The following LYST variants were observed in gnomAD, a reference collection of about 807,000 sequenced individuals.
LYST encodes lysosomal trafficking regulator.
LYST carries 192 observed loss-of-function variants against 413.6 expected under a neutral mutation model. The ratio of observed to expected loss-of-function variants is 0.46; its 90% CI spans 0.41 to 0.52. LYST has a LOEUF of 0.52. LYST is among the 20% of genes least tolerant of loss of function. The probability of loss-of-function intolerance (pLI) is 0.00; values close to 1 mark genes in which losing one functional copy is unlikely to be tolerated. For missense variants in LYST, 3,815 were observed against 4,499.9 expected (o/e 0.85, Z 4.35); for synonymous variants, 1,525 against 1,567.3 (o/e 0.97, Z 0.64).
Position 235,788,637 on chromosome 1 carries a change from A to T in LYST, c.4688+64T>A, listed in dbSNP as rs867629183. 2.0e-6 allele frequency: 3 copies of T among 1,492,862 alleles called. No homozygotes were observed. In the African/African-American group the frequency reaches 4.2e-5, roughly 21 times the overall value. The allele number at this position is 1,492,862 out of a possible 1,614,324, so 92.5% of individuals were successfully genotyped here. A position where few individuals can be genotyped will look rare whatever the true frequency, so the allele number is the denominator to read the frequency against. Reference sequence around the variant, plus strand: ...ACTTTTATTAGTAGATTTCACATTAATGTCTCTTACACAAATTATTTAAAT... The same window carrying T: ...ACTTTTATTAGTAGATTTCACATTATTGTCTCTTACACAAATTATTTAAAT... On this transcript the variant is annotated intron_variant, in intron 13 of 52. Coordinates refer to ENST00000389793, the MANE Select transcript of LYST (RefSeq NM_000081.4).
At chr1:235,822,725 A>G (rs1010037825) in intron 3 of LYST, among the ~76,000 whole-genome samples, 1 of 152,222 alleles carries the variant, frequency 6.6e-6, no homozygotes, top group African/African-American at 2.4e-5. Flanking sequence ...GATAGAGTCT[A>G]TTTCCCCATC....
At position 235,770,214 on chromosome 1, in the gene LYST, CT is replaced by C; in HGVS notation, c.5867del (p.Gln1956ArgfsTer3). On this transcript the variant is annotated frameshift_variant, in exon 20 of 53. Coordinates refer to ENST00000389793, the MANE Select transcript of LYST (RefSeq NM_000081.4). LOFTEE classifies it high-confidence loss of function. ...DHHQQMFNIKQLLKAQVVHHF... is the reference protein window; with the variant it reads ...DHHQQMFNIKXLLKAQVVHHF... ...GATGAACCACTTGAGCTTTCAATAA[CT>C]GCTTAATATTAAACATCTGCTGGTG... 1 of 1,613,750 alleles carries C rather than the reference CT, an allele frequency of 6.2e-7. No individual in the cohort carries two copies. Among genetic ancestry groups the C allele is most frequent in the South Asian group, 1.1e-5 (1 of 91,082 alleles).
In LYST at chr1:235,766,133, T is replaced by C. The variant is rs147431549; in HGVS notation, c.6067A>G (p.Thr2023Ala). 5 of 1,613,316 alleles carry C rather than the reference T, an allele frequency of 3.1e-6. No homozygotes were observed. Among genetic ancestry groups the C allele is most frequent in the Admixed American group, 1.7e-5 (1 of 59,978 alleles). Reference protein sequence around the residue: ...FNFLLAVHPPTNTYVCHNPTN... With the variant: ...FNFLLAVHPPANTYVCHNPTN... Reference sequence around the variant, plus strand: ...GGATTGTGACAAACGTAAGTATTAGTAGGAGGGTGAACTGCTAAAAGGAAA... The same window carrying C: ...GGATTGTGACAAACGTAAGTATTAGCAGGAGGGTGAACTGCTAAAAGGAAA... The change falls in exon 21 of 53, where the codon ACT (threonine) becomes GCT (alanine). Residue 2023 changes from threonine to alanine, a missense_variant. Thr to Ala is a moderately conservative substitution (Grantham distance 58). Coordinates refer to ENST00000389793, the MANE Select transcript of LYST (RefSeq NM_000081.4).
At chr1:235,867,542 C>T (rs934934464), upstream of LYST, among the ~76,000 whole-genome samples, 1 of 152,074 alleles carries the variant, frequency 6.6e-6, no homozygotes, top group Non-Finnish European at 1.5e-5. Context: ...ATTTTCCAAC[C>T]GACTCCTGTT....
At chr1:235,834,035 A>G (rs578158577) in intron 1 of LYST, among the ~76,000 whole-genome samples, 1 of 152,238 alleles carries the variant, frequency 6.6e-6, no homozygotes, top group Non-Finnish European at 1.5e-5. Context: ...TTTTCAACTC[A>G]GAGTTCCTAG....
chr1:235,789,922 A>G (rs1480828413), intron 12 of LYST, among the ~76,000 whole-genome samples: 1 of 152,196 alleles, frequency 6.6e-6, no homozygotes, highest in Non-Finnish European at 1.5e-5. Flanking sequence ...TTATAAGGTA[A>G]ATATATATAG....
intron 45 of LYST, among the ~76,000 whole-genome samples, chr1:235,701,508 A>G (rs145989763): frequency 0.091 from 13,881 of 152,136 alleles, 717 homozygotes; most frequent in Middle Eastern, 0.15. Context: ...GGCGCCTGTA[A>G]TCCCAGCTAC....
intron 29 of LYST, 40 bp downstream of exon 29, chr1:235,746,296 T>A: frequency 6.4e-7 from 1 of 1,574,280 alleles, no homozygotes; most frequent in South Asian, 1.1e-5. Flanking sequence ...CTCTTTCATT[T>A]TAAAATCTGA....
chr1:235,800,101 C>T lies in LYST; in HGVS notation c.4006+219G>A, dbSNP rs533182874. 1.9e-3 allele frequency among the ~76,000 whole-genome samples: 283 copies of T among 151,242 alleles called. 2 individuals carry two copies. The highest frequency in any genetic ancestry group is 6.3e-3 in the African/African-American group (261 of 41,226). ...CCTCCCAAGTAGCTAGGACCACAGA[C>T]ATGCACCACCACACCTGGCTAATTT... On this transcript the variant is annotated intron_variant, in intron 10 of 52. Transcript: ENST00000389793.
chr1:235,691,508 T>C (rs1464978888), intron 47 of LYST, among the ~76,000 whole-genome samples: 1 of 152,110 alleles, frequency 6.6e-6, no homozygotes, highest in African/African-American at 2.4e-5. Flanking sequence ...GAAAATGACC[T>C]AATGACAAAG....
chr1:235,756,380 T>C (rs1439060650), intron 24 of LYST, among the ~76,000 whole-genome samples: 1 of 152,236 alleles, frequency 6.6e-6, no homozygotes, highest in African/African-American at 2.4e-5. Flanking sequence ...GCAGTACTCA[T>C]CACAGAATTT....
At chr1:235,830,481 T>C in intron 2 of LYST, 57 bp from the exon 3 acceptor site, 1 of 1,328,600 alleles carries the variant, frequency 7.5e-7, no homozygotes, top group Non-Finnish European at 1.1e-6. Context: ...AAATTTACTT[T>C]TAAAACTATG....
intron 38 of LYST, among the ~76,000 whole-genome samples, chr1:235,727,521 CA>C (rs1024216437): frequency 3.9e-5 from 6 of 151,920 alleles, no homozygotes; most frequent in African/African-American, 1.4e-4. Flanking sequence ...TTTTCTGAAA[CA>C]AAAAGCTTAT....
intron 42 of LYST, chr1:235,713,204 T>A: frequency 1.0e-6 from 1 of 985,236 alleles, no homozygotes; most frequent in Non-Finnish European, 1.2e-6. Context: ...TTAGAAACAT[T>A]TACTTTTTCT....
chr1:235,667,765 C>A (rs940321644), intron 50 of LYST, among the ~76,000 whole-genome samples: 5 of 151,972 alleles, frequency 3.3e-5, no homozygotes, highest in Non-Finnish European at 7.4e-5. Flanking sequence ...TTCCTTCAAG[C>A]GATTCTCCTG....
In LYST at chr1:235,725,312, T is replaced by C. The variant is rs542506386; in HGVS notation, c.9163-1132A>G. ...AGTCGGGAGTGATGGCAGGCACCTG[T>C]AGTTCCAGCTACTCGGGAGGCTGAG... On this transcript the variant is annotated intron_variant, in intron 38 of 52. Transcript: ENST00000389793. 2.0e-4 allele frequency among the ~76,000 whole-genome samples: 31 copies of C among 152,044 alleles called. 1 individual carries two copies. The South Asian group carries it at 5.4e-3, about 27-fold the overall frequency.
At chr1:235,804,316 C>T (rs1474463086) in intron 7 of LYST, among the ~76,000 whole-genome samples, 188 bp downstream of exon 7, 1 of 152,106 alleles carries the variant, frequency 6.6e-6, no homozygotes, top group African/African-American at 2.4e-5. Flanking sequence ...ATGTATAAGA[C>T]AGGGCAATGA....
chr1:235,785,503 G>A lies in LYST; in HGVS notation c.4862+1697C>T, dbSNP rs547084635. Among the ~76,000 whole-genome samples, 67 of 152,312 alleles carry A rather than the reference G, an allele frequency of 4.4e-4. 1 individual carries two copies. Among genetic ancestry groups the A allele is most frequent in the African/African-American group, 1.5e-3 (62 of 41,566 alleles). ...TGAATGAATAAAAATAGGTTAATCT[G>A]TGTTAAGGGTATATGTTATTTCCAT... On this transcript the variant is annotated intron_variant, in intron 14 of 52. Coordinates refer to ENST00000389793, the MANE Select transcript of LYST (RefSeq NM_000081.4).
At position 235,802,939 on chromosome 1, in the gene LYST, G is replaced by C; in HGVS notation, c.3681C>G (p.Ser1227Arg). The C allele has an allele frequency of 6.2e-7, 1 of 1,613,520 alleles. No homozygotes were observed. Among genetic ancestry groups the C allele is most frequent in the Non-Finnish European group, 8.5e-7 (1 of 1,179,788 alleles). The change falls in exon 8 of 53, where the codon AGC becomes AGG. Residue 1227 changes from serine (S) to arginine (R), a missense_variant. Physicochemically the swap from Ser to Arg is moderately radical, Grantham distance 110. This residue lies in a region of LYST where 1,648 missense variants were observed against 1,810.3 expected (regional missense o/e 0.91). Transcript: ENST00000389793. ...CCTGGGTTTCGCCATCTTCAGGATT[G>C]CTTTCACTATCTGCTTCGTAACCTT... ...EEEGYEADSE[S>R]NPEDGETQDD... is the part of the protein sequence containing the mutation.
Sources: allele counts gnomAD v4.1 joint callset (sites outside exome capture counted in the v4.1 genomes callset), GRCh38; gene constraint gnomAD v4.1.1; regional missense constraint gnomAD v4.1.1; transcripts MANE v1.5; gene names NCBI Gene and HGNC (gene_info 2026-07-23, HGNC 2026-07-21).